The following CLCA4 variants were observed in gnomAD, a reference collection of about 807,000 sequenced individuals.
CLCA4 encodes calcium-activated chloride channel regulator 4.
In CLCA4, 69 loss-of-function variants were observed where a neutral mutation model predicts 78.9. The ratio of observed to expected loss-of-function variants is 0.87; its 90% CI spans 0.72 to 1.07. The LOEUF (loss-of-function observed/expected upper bound fraction) is 1.07, where lower values mean the gene tolerates loss of function less well. Among genes scored for constraint, CLCA4 ranks in the 50% least tolerant of loss-of-function variants. CLCA4 has a pLI of 0.00. For synonymous variants in CLCA4, 362 were observed against 375.8 expected (o/e 0.96, Z 0.42); for missense variants, 1,133 against 1,095.8 (o/e 1.03, Z -0.48).
intron 7 of CLCA4, among the ~76,000 whole-genome samples, 195 bp from the exon 8 acceptor site, chr1:86,570,882 G>C (rs1650330765): frequency 6.6e-6 from 1 of 152,030 alleles, no homozygotes; most frequent in Non-Finnish European, 1.5e-5. Context: ...ACTACCTGCA[G>C]CTGGGAGTTA....
Position 86,571,008 on chromosome 1 carries a change from C to T in CLCA4, c.1183-69C>T. 2.6e-6 allele frequency: 3 copies of T among 1,154,988 alleles called. No individual in the cohort carries two copies. In the East Asian group the frequency reaches 7.2e-5, roughly 28 times the overall value. The allele number at this position is 1,154,988 out of a possible 1,614,324, so 71.5% of individuals were successfully genotyped here. A position where few individuals can be genotyped will look rare whatever the true frequency, so the allele number is the denominator to read the frequency against. On this transcript the variant is annotated intron_variant, in intron 7 of 13. Coordinates refer to ENST00000370563, the MANE Select transcript of CLCA4 (RefSeq NM_012128.4). ...TGTTTATTTTCTCTGTAAATTTTTT[C>T]TCATTTCCCATTTGTCTATTTGATC...
intron 1 of CLCA4, chr1:86,552,913 C>A: frequency 1.5e-6 from 1 of 671,196 alleles, no homozygotes; most frequent in Middle Eastern, 2.7e-4. Flanking sequence ...ATCTCCCAGA[C>A]GCTCCTCCCT....
At chr1:86,552,288 G>C (rs1649688068) in intron 1 of CLCA4, among the ~76,000 whole-genome samples, 1 of 152,210 alleles carries the variant, frequency 6.6e-6, no homozygotes, top group African/African-American at 2.4e-5. Flanking sequence ...TGAATGTAAA[G>C]GAGGTTGATG....
rs2231583 is a variant in CLCA4, at chr1:86,560,249, A to G, written c.339A>G (p.Arg113=). The change falls in exon 3 of 14, where the codon AGA becomes AGG. Residue 113 remains arginine, a synonymous_variant. Transcript: ENST00000370563. ...TTGCACCACCTACACTCCCAGGTAG[A>G]GATGAACCATACACCAAGCAGTTCA... ...VIVAPPTLPG[R]DEPYTKQFTE... 2.2e-3 allele frequency: 3,567 copies of G among 1,614,032 alleles called. 8 individuals are homozygous for G. The highest frequency in any genetic ancestry group is 0.011 in the Middle Eastern group (64 of 6,062).
chr1:86,572,000 C>A (rs1048148407), intron 8 of CLCA4, among the ~76,000 whole-genome samples: 1 of 151,964 alleles, frequency 6.6e-6, no homozygotes, highest in African/African-American at 2.4e-5. Flanking sequence ...ATTTCAAAGT[C>A]CTTTCATGGC....
In CLCA4 at chr1:86,570,425, G is replaced by A. The variant is rs990504858; in HGVS notation, c.1183-652G>A. The stretch of plus-strand genomic sequence containing the variant: ...GAGTTTCAAACTGTTTGGCATTTAG[G>A]AAAAGGATACAAGCTACAAATTGAA... On this transcript the variant is annotated intron_variant, in intron 7 of 13. Coordinates refer to ENST00000370563, the MANE Select transcript of CLCA4 (RefSeq NM_012128.4). 2.6e-5 allele frequency among the ~76,000 whole-genome samples: 4 copies of A among 151,998 alleles called. No individual in the cohort carries two copies. The South Asian group carries it at 6.2e-4, about 24-fold the overall frequency.
At position 86,575,582 on chromosome 1, in the gene CLCA4, T is replaced by G. The variant is rs1313878288; in HGVS notation, c.1934T>G (p.Leu645Arg). The G allele has an allele frequency of 6.2e-7, 1 of 1,612,396 alleles. No individual in the cohort carries two copies. Among genetic ancestry groups the G allele is most frequent in the Non-Finnish European group, 8.5e-7 (1 of 1,178,920 alleles). The stretch of plus-strand genomic sequence containing the variant: ...AATGGACATACAGAAGTTTTGGAAC[T>G]TTTGGATAATGGTGCAGGTAATTCA... ...SQNGHTEVLE[L>R]LDNGAGADSF... Residue 645 changes from leucine (L) to arginine (R), a missense_variant, in exon 11 of 14, where the codon CTT (leucine) becomes CGT (arginine). Transcript: ENST00000370563.
Position 86,579,463 on chromosome 1 carries a change from C to A in CLCA4, c.2232C>A (p.Val744=). ...ASGGAFVVSQ[V]PSLPLPDQYP... is the part of the protein sequence containing the mutation. ...GAGGTGCATTTGTGGTATCACAAGT[C>A]CCAAGCCTTCCCTTGCCTGACCAAT... Residue 744 remains valine (V), a synonymous_variant, in exon 13 of 14, where the codon GTC becomes GTA. Transcript: ENST00000370563. 1 of 1,613,300 alleles carries A rather than the reference C, an allele frequency of 6.2e-7. No homozygotes were observed. Among genetic ancestry groups the A allele is most frequent in the Non-Finnish European group, 8.5e-7 (1 of 1,179,516 alleles).
Position 86,550,900 on chromosome 1 carries a change from T to C in CLCA4, c.159+3622T>C, listed in dbSNP as rs547090602. Among the ~76,000 whole-genome samples, 28 of 151,080 alleles carry C rather than the reference T, an allele frequency of 1.9e-4. No individual in the cohort carries two copies. In the South Asian group the frequency reaches 3.6e-3, roughly 19 times the overall value. ...AGGCTGGAGTGCAGTGGTGCGATCTTGGCTCACTGCAAGCTCCGCCTCCCA... is the reference window on the plus strand; with the variant it reads ...AGGCTGGAGTGCAGTGGTGCGATCTCGGCTCACTGCAAGCTCCGCCTCCCA... On this transcript the variant is annotated intron_variant, in intron 1 of 13. Transcript: ENST00000370563.
intron 7 of CLCA4, 104 bp downstream of exon 7, chr1:86,567,755 A>G (rs1333344330): frequency 1.1e-6 from 1 of 899,506 alleles, no homozygotes; most frequent in Non-Finnish European, 1.7e-6. Context: ...TTTTAACATA[A>G]CTAATCCTAA....
At chr1:86,558,928 G>A (rs577169078) in intron 1 of CLCA4, among the ~76,000 whole-genome samples, 1 of 152,000 alleles carries the variant, frequency 6.6e-6, no homozygotes, top group South Asian at 2.1e-4. Flanking sequence ...GCCTGATGGG[G>A]TTCCCTTTGT....
chr1:86,578,032 A>G lies in CLCA4; in HGVS notation c.2082A>G (p.Pro694=). 1.9e-6 allele frequency: 3 copies of G among 1,612,778 alleles called. No homozygotes were observed. Among genetic ancestry groups the G allele is most frequent in the Non-Finnish European group, 2.5e-6 (3 of 1,179,338 alleles). The change falls in exon 12 of 14, where the codon CCA becomes CCG. Residue 694 remains proline, a synonymous_variant. Coordinates refer to ENST00000370563, the MANE Select transcript of CLCA4 (RefSeq NM_012128.4). ...CTGCCAGGCTAAAATTACGGCCTCC[A>G]CTGAATAGAGCCGCGTACATACCAG... ...ANTARLKLRP[P]LNRAAYIPGW...
chr1:86,564,853 T>C (rs1434234620), intron 4 of CLCA4, among the ~76,000 whole-genome samples: 1 of 152,174 alleles, frequency 6.6e-6, no homozygotes, highest in Admixed American at 6.5e-5. Context: ...CTATCCCATG[T>C]ACTATTTTTT....
chr1:86,567,366 T>C, intron 6 of CLCA4, 58 bp from the exon 7 acceptor site: 1 of 1,352,170 alleles, frequency 7.4e-7, no homozygotes, highest in East Asian at 2.3e-5. Flanking sequence ...TTTTATGTGA[T>C]CTTCTATTAT....
intron 7 of CLCA4, among the ~76,000 whole-genome samples, chr1:86,569,881 A>G (rs1186803527): frequency 6.6e-6 from 1 of 151,942 alleles, no homozygotes; most frequent in African/African-American, 2.4e-5. Flanking sequence ...CACATTGTAA[A>G]TGCTTGGTAA....
At chr1:86,570,072 A>G (rs975979109) in intron 7 of CLCA4, among the ~76,000 whole-genome samples, 1 of 152,016 alleles carries the variant, frequency 6.6e-6, no homozygotes, top group African/African-American at 2.4e-5. Context: ...TATTTCCCAT[A>G]TATTGCAATA....
At chr1:86,574,297 T>C (rs1650442919) in intron 9 of CLCA4, among the ~76,000 whole-genome samples, 1 of 152,014 alleles carries the variant, frequency 6.6e-6, no homozygotes. Context: ...AAAAAAACAG[T>C]AAGGTCATAT....
In CLCA4 at chr1:86,563,771, C is replaced by A; in HGVS notation, c.557+2C>A. ...GTCAAAAAAAATCGAAGCAACAAGG[C>A]ATGGCTATTTAAATTTTCTAAACTG... On this transcript the variant is annotated splice_donor_variant, in intron 4 of 13. Transcript: ENST00000370563. LOFTEE classifies it high-confidence loss of function. 6.5e-7 allele frequency: 1 copy of A among 1,547,982 alleles called. No homozygotes were observed. Among genetic ancestry groups the A allele is most frequent in the Non-Finnish European group, 8.9e-7 (1 of 1,128,446 alleles).
chr1:86,572,169 T>C (rs551825420), intron 8 of CLCA4, among the ~76,000 whole-genome samples: 2 of 152,152 alleles, frequency 1.3e-5, no homozygotes, highest in East Asian at 3.9e-4. Context: ...CTGATTTTGG[T>C]CTATGCTGGC....
Sources: allele counts gnomAD v4.1 joint callset (sites outside exome capture counted in the v4.1 genomes callset), GRCh38; gene constraint gnomAD v4.1.1; transcripts MANE v1.5; gene names NCBI Gene and HGNC (gene_info 2026-07-23, HGNC 2026-07-21).